Variants in EYS observed in about 807,000 individuals in gnomAD.
EYS encodes the protein EGF-like photoreceptor maintenance factor, also known as protein eyes shut homolog.
In EYS, 250 loss-of-function variants were observed where a neutral mutation model predicts 282.1. The ratio of observed to expected loss-of-function variants is 0.89; its 90% CI spans 0.80 to 0.98. The LOEUF (loss-of-function observed/expected upper bound fraction) is 0.98, where lower values mean the gene tolerates loss of function less well. EYS is among the 50% of genes least tolerant of loss of function. EYS has a pLI of 0.00. For synonymous variants in EYS, 1,355 were observed against 1,282.9 expected (o/e 1.06, Z -1.20); for missense variants, 4,016 against 3,709.0 (o/e 1.08, Z -2.15).
At chr6:65,118,226 C>G (rs1202748690) in intron 12 of EYS, among the ~76,000 whole-genome samples, 1 of 152,112 alleles carries the variant, frequency 6.6e-6, no homozygotes, top group African/African-American at 2.4e-5. Flanking sequence ...TGTTCTGAGC[C>G]TGAGAAGAAT....
At chr6:65,185,266 C>T (rs1213798506) in intron 12 of EYS, among the ~76,000 whole-genome samples, 2 of 151,530 alleles carry the variant, frequency 1.3e-5, no homozygotes, top group Admixed American at 6.6e-5. Context: ...ACATCATGTC[C>T]CACCCAAACT....
intron 28 of EYS, among the ~76,000 whole-genome samples, chr6:64,399,416 C>T (rs1445653582): frequency 2.6e-5 from 4 of 151,704 alleles, no homozygotes; most frequent in African/African-American, 9.7e-5. Context: ...GACTATATCA[C>T]TATTTAAGTG....
chr6:65,627,779 G>A (rs963118969), intron 2 of EYS, among the ~76,000 whole-genome samples: 5 of 152,302 alleles, frequency 3.3e-5, no homozygotes, highest in Admixed American at 6.5e-5. Context: ...CTGCCTTCCC[G>A]CGGGGTAGGG....
chr6:64,480,997 G>C (rs1451392134), intron 26 of EYS, among the ~76,000 whole-genome samples: 1 of 151,226 alleles, frequency 6.6e-6, no homozygotes, highest in African/African-American at 2.4e-5. Context: ...AAATAACCTT[G>C]ATGTCTATTA....
intron 41 of EYS, among the ~76,000 whole-genome samples, chr6:63,733,337 G>A (rs562807713): frequency 2.6e-5 from 4 of 152,052 alleles, no homozygotes; most frequent in African/African-American, 9.7e-5. Context: ...TTTGTTATAT[G>A]GGTAAAGTGC....
At chr6:64,445,218 A>C (rs1775081641) in intron 26 of EYS, among the ~76,000 whole-genome samples, 1 of 152,186 alleles carries the variant, frequency 6.6e-6, no homozygotes, top group African/African-American at 2.4e-5. Flanking sequence ...TACAGATTTT[A>C]TTTTATGCTT....
chr6:65,546,897 A>G (rs770347707), intron 2 of EYS, among the ~76,000 whole-genome samples: 15 of 152,214 alleles, frequency 9.9e-5, no homozygotes, highest in Non-Finnish European at 1.8e-4. Context: ...ATGAAGAAAA[A>G]GTATCTTCAT....
rs1218048550 is a variant in EYS, at chr6:63,762,638, G to A, written c.7899-5C>T. ...CACCCAGTGGTACAATTGCAGCTGTGGGTTGAGAGAAAGCCGCATGGTTTG... is the reference window on the plus strand; with the variant it reads ...CACCCAGTGGTACAATTGCAGCTGTAGGTTGAGAGAAAGCCGCATGGTTTG... On this transcript the variant is annotated splice_polypyrimidine_tract_variant and splice_region_variant and intron_variant, in intron 40 of 42. Coordinates refer to ENST00000503581, the MANE Select transcript of EYS (RefSeq NM_001142800.2). 6.5e-7 allele frequency: 1 copy of A among 1,549,004 alleles called. No homozygotes were observed. The highest frequency in any genetic ancestry group is 2.0e-5 in the Admixed American group (1 of 50,688).
chr6:65,669,267 C>A (rs562310884), intron 1 of EYS, among the ~76,000 whole-genome samples: 1 of 151,974 alleles, frequency 6.6e-6, no homozygotes, highest in South Asian at 2.1e-4. Flanking sequence ...CATATATAAA[C>A]AAAGTAGATG....
At position 64,590,574 on chromosome 6, in the gene EYS, T is replaced by C. The variant is rs988238147; in HGVS notation, c.5293A>G (p.Thr1765Ala). ...DVTLKTYSEI[T>A]HANDFKNNLP... The stretch of plus-strand genomic sequence containing the variant: ...TTATTTTTGAAGTCATTTGCATGTG[T>C]AATTTCTGAATATGTCTTTAAAGTA... Residue 1765 changes from threonine (T) to alanine (A), a missense_variant, in exon 26 of 43, where the codon ACA becomes GCA. Transcript: ENST00000503581. 1.1e-5 allele frequency: 17 copies of C among 1,551,252 alleles called. No homozygotes were observed. The Admixed American group carries it at 2.2e-4, about 20-fold the overall frequency.
Position 64,414,496 on chromosome 6 carries a change from T to G in EYS, c.5927+21678A>C, listed in dbSNP as rs137901087. On this transcript the variant is annotated intron_variant, in intron 28 of 42. Coordinates refer to ENST00000503581, the MANE Select transcript of EYS (RefSeq NM_001142800.2). ...ATGAAACAAAATAAGTAAGAGAAAA[T>G]AAGACATTCAATAACCATTTGGCCA... 2.3e-4 allele frequency among the ~76,000 whole-genome samples: 35 copies of G among 151,906 alleles called. No individual in the cohort carries two copies. The East Asian group carries it at 6.6e-3, about 29-fold the overall frequency.
intron 2 of EYS, among the ~76,000 whole-genome samples, chr6:65,619,319 T>G (rs1376930585): frequency 2.0e-5 from 3 of 151,854 alleles, no homozygotes; most frequent in Non-Finnish European, 4.4e-5. Context: ...GAAGCAATTA[T>G]GAATGGGAGT....
At chr6:64,517,009 C>T (rs572668607) in intron 26 of EYS, among the ~76,000 whole-genome samples, 4 of 151,766 alleles carry the variant, frequency 2.6e-5, no homozygotes, top group African/African-American at 9.7e-5. Context: ...ACTAGCACAG[C>T]ATAAATATCT....
rs555462601 is a variant in EYS, at chr6:63,993,701, C to T, written c.6834+5374G>A. 3.3e-5 allele frequency among the ~76,000 whole-genome samples: 5 copies of T among 151,916 alleles called. No homozygotes were observed. In the South Asian group the frequency reaches 6.2e-4, roughly 19 times the overall value. Reference sequence around the variant, plus strand: ...AGAAAAACACTTTACATTCATGGAACATCAATAAAATGTCCATACTATCCA... The same window carrying T: ...AGAAAAACACTTTACATTCATGGAATATCAATAAAATGTCCATACTATCCA... On this transcript the variant is annotated intron_variant, in intron 34 of 42. Transcript: ENST00000503581.
At chr6:65,434,847 A>G (rs1768015614) in intron 5 of EYS, among the ~76,000 whole-genome samples, 1 of 152,104 alleles carries the variant, frequency 6.6e-6, no homozygotes, top group African/African-American at 2.4e-5. Context: ...TTCTCTGTGA[A>G]GACCTGTTTG....
intron 13 of EYS, among the ~76,000 whole-genome samples, chr6:65,019,674 G>A (rs1561924568): frequency 6.6e-6 from 1 of 152,052 alleles, no homozygotes; most frequent in African/African-American, 2.4e-5. Context: ...GATTATTTCT[G>A]GTAAGACAAC....
chr6:65,615,865 C>T (rs1009544244), intron 2 of EYS, among the ~76,000 whole-genome samples: 1 of 150,852 alleles, frequency 6.6e-6, no homozygotes, highest in Non-Finnish European at 1.5e-5. Context: ...GGCCAGGAGG[C>T]GGAGCATGCA....
chr6:65,072,918 A>C (rs931947028), intron 12 of EYS, among the ~76,000 whole-genome samples: 3 of 151,278 alleles, frequency 2.0e-5, no homozygotes, highest in Non-Finnish European at 4.4e-5. Context: ...GAATTAAAAG[A>C]CTCCCTGGAA....
intron 35 of EYS, among the ~76,000 whole-genome samples, chr6:63,951,958 A>G (rs1388746261): frequency 1.3e-5 from 2 of 152,166 alleles, no homozygotes; most frequent in African/African-American, 2.4e-5. Context: ...TGCTCCCGAC[A>G]TTAAATAAAG....
Sources: gnomAD v4.1 joint callset for allele counts (sites outside exome capture counted in the v4.1 genomes callset) on GRCh38, gnomAD v4.1.1 for gene constraint, MANE v1.5 for transcripts, NCBI Gene and HGNC (gene_info 2026-07-23, HGNC 2026-07-21) for gene names.